Variants in EIF3B observed in about 807,000 individuals in gnomAD.
EIF3B encodes eukaryotic translation initiation factor 3 subunit B, also known as eukaryotic translation initiation factor 3 subunit 9.
Under a neutral mutation model 104.6 loss-of-function variants are expected in EIF3B, and 10 were observed. That is an observed-to-expected ratio of 0.10 (90% CI 0.06 to 0.16). The LOEUF is 0.16. Ranked by LOEUF, EIF3B falls within the 10% of genes least tolerant of loss-of-function variation. The probability of loss-of-function intolerance (pLI) is 1.00; values close to 1 mark genes in which losing one functional copy is unlikely to be tolerated. For missense variants in EIF3B, 1,014 were observed against 1,087.9 expected (o/e 0.93, Z 0.96); for synonymous variants, 542 against 417.2 (o/e 1.30, Z -3.65).
intron 1 of EIF3B, among the ~76,000 whole-genome samples, chr7:2,356,551 C>G (rs1158501272): frequency 6.8e-6 from 1 of 147,530 alleles, no homozygotes; most frequent in Non-Finnish European, 1.5e-5. Context: ...TGCAGTGAGC[C>G]GAGATCCTGC....
At chr7:2,365,174 C>T (rs1045673055) in intron 6 of EIF3B, among the ~76,000 whole-genome samples, 7 of 152,226 alleles carry the variant, frequency 4.6e-5, no homozygotes, top group African/African-American at 1.2e-4. Flanking sequence ...TAGTCTTGAA[C>T]CCCTGGGCTC....
At chr7:2,358,323 A>G (rs1314367246) in intron 1 of EIF3B, among the ~76,000 whole-genome samples, 1 of 151,904 alleles carries the variant, frequency 6.6e-6, no homozygotes, top group Non-Finnish European at 1.5e-5. Context: ...GCCTCATGTG[A>G]TTTGCCTTCC....
rs754528550 is a variant in EIF3B, at chr7:2,362,699, C to T, written c.747C>T (p.Asn249=). 6.8e-6 allele frequency: 11 copies of T among 1,614,124 alleles called. No homozygotes were observed. Among genetic ancestry groups the T allele is most frequent in the African/African-American group, 5.3e-5 (4 of 74,944 alleles). Residue 249 remains asparagine, a synonymous_variant, in exon 3 of 19, where the codon AAC becomes AAT. Transcript: ENST00000360876. ...SPAHAVDAVK[N]ADGYKLDKQH... ...CCCACGCTGTGGATGCTGTGAAGAA[C>T]GCCGACGGCTACAAGCTTGACAAGC...
At chr7:2,370,013 G>A (rs1177469395) in intron 10 of EIF3B, among the ~76,000 whole-genome samples, 1 of 152,012 alleles carries the variant, frequency 6.6e-6, no homozygotes, top group Non-Finnish European at 1.5e-5. Context: ...CTGACCTTAG[G>A]TGATCTGCCC....
chr7:2,376,988 C>G lies in EIF3B; in HGVS notation c.2067C>G (p.Arg689=), dbSNP rs768926107. Residue 689 remains arginine (R), a synonymous_variant, in exon 15 of 19, where the codon CGC becomes CGG. Coordinates refer to ENST00000360876, the MANE Select transcript of EIF3B (RefSeq NM_001037283.2). The part of the protein sequence containing the change: ...NAYWLWTFQG[R]LLQKNNKDRF... ...ACTGGCTGTGGACTTTCCAGGGACG[C>G]CTCCTGCAGAAGAACAACAAGGACC... 1 of 1,613,954 alleles carries G rather than the reference C, an allele frequency of 6.2e-7. No homozygotes were observed. The highest frequency in any genetic ancestry group is 8.5e-7 in the Non-Finnish European group (1 of 1,180,038).
Position 2,376,938 on chromosome 7 carries a change from G to T in EIF3B, c.2029-12G>T. 2 of 1,612,484 alleles carry T rather than the reference G, an allele frequency of 1.2e-6. No individual in the cohort carries two copies. The highest frequency in any genetic ancestry group is 1.3e-5 in the African/African-American group (1 of 75,016). ...CCCCTCTGTGTCCTGGTGTGTCCCT[G>T]CCCTGGCCTAGGTGGACAACGCGTA... On this transcript the variant is annotated splice_polypyrimidine_tract_variant and intron_variant, in intron 14 of 18. Coordinates refer to ENST00000360876, the MANE Select transcript of EIF3B (RefSeq NM_001037283.2).
intron 10 of EIF3B, among the ~76,000 whole-genome samples, chr7:2,370,684 G>A (rs1780285084): frequency 6.6e-6 from 1 of 152,118 alleles, no homozygotes; most frequent in Non-Finnish European, 1.5e-5. Flanking sequence ...TGGGTGCGGT[G>A]GCTCCCCCGG....
intron 8 of EIF3B, 80 bp downstream of exon 8, chr7:2,366,671 TAGA>T: frequency 6.6e-7 from 1 of 1,521,492 alleles, no homozygotes; most frequent in Non-Finnish European, 9.1e-7. Context: ...TTATTTGTGC[TAGA>T]AGAGGAGGAG....
In EIF3B at chr7:2,355,328, C is replaced by A. The variant is rs543979818; in HGVS notation, c.407C>A (p.Ala136Asp). 1.3e-6 allele frequency: 2 copies of A among 1,540,556 alleles called. No homozygotes were observed. The highest frequency in any genetic ancestry group is 1.4e-5 in the African/African-American group (1 of 72,964). ...EDAGGNEGRA[A>D]EAEPRALENG... ...GCGGGAGGAAACGAGGGCAGAGCGG[C>A]CGAGGCCGAACCCCGGGCGCTGGAG... The change falls in exon 1 of 19, where the codon GCC becomes GAC. Residue 136 changes from alanine (A) to aspartate (D), a missense_variant. Physicochemically the swap from Ala to Asp is moderately radical, Grantham distance 126 (BLOSUM62 -2). Around this residue, in one of 4 missense-constraint regions of EIF3B, gnomAD observed 488 missense variants for 404.3 expected, o/e 1.21. Transcript: ENST00000360876.
chr7:2,356,824 T>A (rs966571949), intron 1 of EIF3B, among the ~76,000 whole-genome samples: 4 of 151,984 alleles, frequency 2.6e-5, no homozygotes, highest in Non-Finnish European at 5.9e-5. Context: ...AAAAACGCTG[T>A]CAGTTACTGT....
Position 2,379,115 on chromosome 7 carries a change from TC to T in EIF3B, c.2233-15del. On this transcript the variant is annotated intron_variant, in intron 16 of 18. Transcript: ENST00000360876. ...CACTTGTCTTACCAGTTCTGTGCTT[TC>T]CCCAACCTCATGCATAGGAATTGGT... 6.2e-7 allele frequency: 1 copy of T among 1,611,282 alleles called. No individual in the cohort carries two copies. The highest frequency in any genetic ancestry group is 1.1e-5 in the South Asian group (1 of 90,826).
At chr7:2,369,376 C>A in intron 9 of EIF3B, 96 bp from the exon 10 acceptor site, 2 of 1,314,644 alleles carry the variant, frequency 1.5e-6, no homozygotes, top group Non-Finnish European at 2.2e-6. Flanking sequence ...CAGCATTGAG[C>A]TTCTATATAG....
intron 9 of EIF3B, among the ~76,000 whole-genome samples, chr7:2,368,509 C>T (rs1279532166): frequency 1.3e-5 from 2 of 152,356 alleles, no homozygotes; most frequent in East Asian, 3.9e-4. Flanking sequence ...AGCAAGGCTG[C>T]TCAGCATTGG....
In EIF3B at chr7:2,375,490, G is replaced by A; in HGVS notation, c.1991G>A (p.Arg664His). 1 of 1,614,212 alleles carries A rather than the reference G, an allele frequency of 6.2e-7. No homozygotes were observed. Among genetic ancestry groups the A allele is most frequent in the South Asian group, 1.1e-5 (1 of 91,080 alleles). Reference sequence around the variant, plus strand: ...GACGTCGAATGGGATCCTACTGGGCGCTACGTCGTCACCTCTGTGTCCTGG... The same window carrying A: ...GACGTCGAATGGGATCCTACTGGGCACTACGTCGTCACCTCTGTGTCCTGG... ...ASDVEWDPTG[R>H]YVVTSVSWWS... The change falls in exon 14 of 19, where the codon CGC becomes CAC. Residue 664 changes from arginine to histidine, a missense_variant. Physicochemically the swap from Arg to His is conservative, Grantham distance 29 (BLOSUM62 0). Transcript: ENST00000360876.
At chr7:2,376,777 T>C in intron 14 of EIF3B, 173 bp from the exon 15 acceptor site, 2 of 873,006 alleles carry the variant, frequency 2.3e-6, no homozygotes, top group East Asian at 5.6e-5. Flanking sequence ...GGTTGCATAA[T>C]GGAGGTGTCT....
chr7:2,377,012 C>G lies in EIF3B; in HGVS notation c.2091C>G (p.Asp697Glu). The G allele has an allele frequency of 6.2e-7, 1 of 1,613,902 alleles. No individual in the cohort carries two copies. Among genetic ancestry groups the G allele is most frequent in the East Asian group, 2.2e-5 (1 of 44,884 alleles). ...GCCTCCTGCAGAAGAACAACAAGGA[C>G]CGCTTCTGCCAGCTGCTGTGGCGGC... ...QGRLLQKNNK[D>E]RFCQLLWRPR... The change falls in exon 15 of 19, where the codon GAC becomes GAG. Residue 697 changes from aspartate (D) to glutamate (E), a missense_variant. Around this residue, in one of 4 missense-constraint regions of EIF3B, gnomAD observed 266 missense variants for 324.0 expected, o/e 0.82. Coordinates refer to ENST00000360876, the MANE Select transcript of EIF3B (RefSeq NM_001037283.2).
rs1780205459 is a variant in EIF3B at position 2,369,482 on chromosome 7, T to C, written c.1414T>C (p.Trp472Arg). 6.2e-7 allele frequency: 1 copy of C among 1,614,130 alleles called. No individual in the cohort carries two copies. Among genetic ancestry groups the C allele is most frequent in the African/African-American group, 1.3e-5 (1 of 74,950 alleles). The change falls in exon 10 of 19, where the codon TGG becomes CGG. Residue 472 changes from tryptophan (W) to arginine (R), a missense_variant. Physicochemically the swap from Trp to Arg is moderately radical, Grantham distance 101. Transcript: ENST00000360876. ...LKISGIKDFS[W>R]SPGGNIIAFW... Reference sequence around the variant, plus strand: ...TTTCCTGTTCTGCAGAGACTTTTCTTGGTCTCCTGGTGGTAACATAATCGC... The same window carrying C: ...TTTCCTGTTCTGCAGAGACTTTTCTCGGTCTCCTGGTGGTAACATAATCGC...
At position 2,379,415 on chromosome 7, in the gene EIF3B, A is replaced by G; in HGVS notation, c.2363A>G (p.Asp788Gly). 1.9e-6 allele frequency: 3 copies of G among 1,593,084 alleles called. No homozygotes were observed. The highest frequency in any genetic ancestry group is 1.1e-5 in the South Asian group (1 of 87,678). ...LRGGVDTDEL[D>G]SNVDDWEEET... Reference sequence around the variant, plus strand: ...TCAGGGGTGGACACTGACGAGCTGGACAGCAACGTGGACGACTGGGAAGAG... The same window carrying G: ...TCAGGGGTGGACACTGACGAGCTGGGCAGCAACGTGGACGACTGGGAAGAG... The change falls in exon 18 of 19, where the codon GAC becomes GGC. Residue 788 changes from aspartate (D) to glycine (G), a missense_variant. Physicochemically the swap from Asp to Gly is moderately conservative, Grantham distance 94 (BLOSUM62 -1). Around this residue, in one of 4 missense-constraint regions of EIF3B, gnomAD observed 266 missense variants for 324.0 expected, o/e 0.82. Coordinates refer to ENST00000360876, the MANE Select transcript of EIF3B (RefSeq NM_001037283.2).
intron 4 of EIF3B, 30 bp downstream of exon 4, chr7:2,363,157 G>T (rs202113591): frequency 6.2e-7 from 1 of 1,610,932 alleles, no homozygotes; most frequent in South Asian, 1.1e-5. Flanking sequence ...CATCTCAGTG[G>T]TTTAAAGAAA....
Sources: allele counts gnomAD v4.1 joint callset (sites outside exome capture counted in the v4.1 genomes callset), GRCh38; gene constraint gnomAD v4.1.1; regional missense constraint gnomAD v4.1.1; transcripts MANE v1.5; gene names NCBI Gene and HGNC (gene_info 2026-07-23, HGNC 2026-07-21).